Variants in CAMK4 observed in about 807,000 individuals in gnomAD.
The protein encoded by CAMK4 is calcium/calmodulin dependent protein kinase IV.
CAMK4 carries 22 observed loss-of-function variants against 44.9 expected under a neutral mutation model. The observed-to-expected ratio is 0.49, with a 90% confidence interval of 0.35 to 0.70. The LOEUF is 0.70. Ranked by LOEUF, CAMK4 falls within the 30% of genes least tolerant of loss-of-function variation. CAMK4 has a pLI of 0.01. For synonymous variants in CAMK4, 218 were observed against 215.4 expected (o/e 1.01, Z -0.11); for missense variants, 498 against 586.8 (o/e 0.85, Z 1.56).
intron 1 of CAMK4, among the ~76,000 whole-genome samples, chr5:111,256,410 A>G (rs751304467): frequency 3.9e-5 from 6 of 152,282 alleles, no homozygotes; most frequent in Non-Finnish European, 8.8e-5. Flanking sequence ...AATGGCATAG[A>G]GTTACACACA....
rs147580811 is a variant in CAMK4, at chr5:111,292,453, T to G, written c.162-51571T>G. Among the ~76,000 whole-genome samples the G allele has an allele frequency of 3.5e-3, 534 of 152,220 alleles. 4 individuals carry two copies. Among genetic ancestry groups the G allele is most frequent in the African/African-American group, 0.012 (507 of 41,518 alleles). ...TATGTGTATATATATGTATATATAG[T>G]GTGTGTGTGAGTGTATATAAATGAG... On this transcript the variant is annotated intron_variant, in intron 1 of 10. Transcript: ENST00000282356.
At chr5:111,436,971 A>C (rs1753668228) in intron 5 of CAMK4, among the ~76,000 whole-genome samples, 1 of 152,246 alleles carries the variant, frequency 6.6e-6, no homozygotes, top group Non-Finnish European at 1.5e-5. Flanking sequence ...AAAATGAATT[A>C]GGTAATGGTT....
At chr5:111,380,546 G>T (rs2112834509) in intron 4 of CAMK4, among the ~76,000 whole-genome samples, 2 of 152,118 alleles carry the variant, frequency 1.3e-5, no homozygotes, top group South Asian at 4.2e-4. Context: ...CCCAATGTGT[G>T]TTTTTCCCCA....
At chr5:111,348,107 G>A (rs1749941119) in intron 2 of CAMK4, among the ~76,000 whole-genome samples, 1 of 151,936 alleles carries the variant, frequency 6.6e-6, no homozygotes, top group African/African-American at 2.4e-5. Context: ...GTCAGGATCT[G>A]TTTAAACATT....
intron 5 of CAMK4, among the ~76,000 whole-genome samples, chr5:111,427,190 T>C (rs560561372): frequency 6.6e-6 from 1 of 152,206 alleles, no homozygotes; most frequent in South Asian, 2.1e-4. Context: ...CAGTCAGAGT[T>C]GTGAGGTCCC....
chr5:111,326,675 G>A (rs1265260060), intron 1 of CAMK4, among the ~76,000 whole-genome samples: 2 of 114,760 alleles, frequency 1.7e-5, no homozygotes, highest in Non-Finnish European at 3.5e-5. Context: ...TGTGTGTAAA[G>A]CTATAAATAA....
intron 1 of CAMK4, among the ~76,000 whole-genome samples, chr5:111,323,667 T>A (rs373713554): frequency 6.6e-6 from 1 of 152,090 alleles, no homozygotes; most frequent in Non-Finnish European, 1.5e-5. Context: ...TGTTAAAATA[T>A]GTCTCAAAAT....
intron 1 of CAMK4, among the ~76,000 whole-genome samples, chr5:111,249,370 A>C (rs1427884582): frequency 6.6e-6 from 1 of 151,886 alleles, no homozygotes; most frequent in Non-Finnish European, 1.5e-5. Flanking sequence ...CTGAAACTGA[A>C]AATGTTAAAA....
At chr5:111,395,327 A>G (rs1395070965) in intron 5 of CAMK4, among the ~76,000 whole-genome samples, 2 of 151,984 alleles carry the variant, frequency 1.3e-5, no homozygotes, top group Admixed American at 6.6e-5. Context: ...GCAATCCTCT[A>G]TATAATGCCA....
Position 111,461,543 on chromosome 5 carries a change from G to A in CAMK4, c.626-11768G>A, listed in dbSNP as rs548445388. On this transcript the variant is annotated intron_variant, in intron 7 of 10. Transcript: ENST00000282356. ...CACCCAGTGTGGAGTCTGCCCAACTGTGGGCACTGCTGCCGCCCATAGGCA... is the reference window on the plus strand; with the variant it reads ...CACCCAGTGTGGAGTCTGCCCAACTATGGGCACTGCTGCCGCCCATAGGCA... Among the ~76,000 whole-genome samples, 3 of 152,304 alleles carry A rather than the reference G, an allele frequency of 2.0e-5. No homozygotes were observed. The South Asian group carries it at 6.2e-4, about 32-fold the overall frequency.
chr5:111,403,870 T>C (rs1268143237), intron 5 of CAMK4, among the ~76,000 whole-genome samples: 1 of 152,220 alleles, frequency 6.6e-6, no homozygotes, highest in Non-Finnish European at 1.5e-5. Context: ...CTTCCCTCTT[T>C]TGATTCTCAA....
chr5:111,415,547 C>T (rs1041385922), intron 5 of CAMK4, among the ~76,000 whole-genome samples: 4 of 152,090 alleles, frequency 2.6e-5, no homozygotes, highest in African/African-American at 9.7e-5. Context: ...GTTCTAGCCA[C>T]AAAATTATAG....
At chr5:111,315,260 G>A in intron 1 of CAMK4, among the ~76,000 whole-genome samples, 1 of 152,084 alleles carries the variant, frequency 6.6e-6, no homozygotes, top group East Asian at 1.9e-4. Flanking sequence ...GGTAGCATTA[G>A]CTTTTCAATT....
At chr5:111,372,208 GA>G (rs1751035627) in intron 2 of CAMK4, among the ~76,000 whole-genome samples, 1 of 152,146 alleles carries the variant, frequency 6.6e-6, no homozygotes, top group African/African-American at 2.4e-5. Context: ...AGGAAAATGT[GA>G]AATGAAGGGA....
intron 1 of CAMK4, among the ~76,000 whole-genome samples, chr5:111,260,519 C>T (rs1400757313): frequency 6.6e-6 from 1 of 152,146 alleles, no homozygotes; most frequent in Non-Finnish European, 1.5e-5. Context: ...CCTATATTTT[C>T]AGTTATAACC....
At chr5:111,281,549 G>C (rs1033098736) in intron 1 of CAMK4, among the ~76,000 whole-genome samples, 1 of 152,136 alleles carries the variant, frequency 6.6e-6, no homozygotes, top group Non-Finnish European at 1.5e-5. Flanking sequence ...TCAGGAGAAA[G>C]GGGTTAAGCC....
chr5:111,433,060 A>G (rs1314915068), intron 5 of CAMK4, among the ~76,000 whole-genome samples: 1 of 152,222 alleles, frequency 6.6e-6, no homozygotes, highest in Non-Finnish European at 1.5e-5. Context: ...TTATGAGACT[A>G]GAGGAAGATT....
chr5:111,241,359 C>T (rs1371516834), intron 1 of CAMK4, among the ~76,000 whole-genome samples: 1 of 152,170 alleles, frequency 6.6e-6, no homozygotes, highest in African/African-American at 2.4e-5. Flanking sequence ...CCTATGCCCC[C>T]AGTCTGGATT....
chr5:111,309,533 A>G (rs1331638894), intron 1 of CAMK4, among the ~76,000 whole-genome samples: 4 of 152,108 alleles, frequency 2.6e-5, no homozygotes, highest in Admixed American at 6.6e-5. Flanking sequence ...CTAAAGTCAA[A>G]TCTAGGAGTG....
Sources: allele counts gnomAD v4.1 joint callset (sites outside exome capture counted in the v4.1 genomes callset), GRCh38; gene constraint gnomAD v4.1.1; transcripts MANE v1.5; gene names NCBI Gene and HGNC (gene_info 2026-07-23, HGNC 2026-07-21).